KCNB2: variants seen among roughly 807,000 people sequenced by gnomAD.
KCNB2 encodes the protein delayed rectifier potassium channel protein.
Under a neutral mutation model 61.5 loss-of-function variants are expected in KCNB2, and 15 were observed. That is an observed-to-expected ratio of 0.24 (90% CI 0.16 to 0.38). The LOEUF is 0.38. Ranked by LOEUF, KCNB2 falls within the 10% of genes least tolerant of loss-of-function variation. The probability of loss-of-function intolerance (pLI) is 1.00; values close to 1 mark genes in which losing one functional copy is unlikely to be tolerated. For synonymous variants in KCNB2, 457 were observed against 446.0 expected (o/e 1.02, Z -0.31); for missense variants, 828 against 1,125.2 (o/e 0.74, Z 3.78).
chr8:72,797,537 A>G (rs921390517), intron 2 of KCNB2, among the ~76,000 whole-genome samples: 2 of 152,200 alleles, frequency 1.3e-5, no homozygotes, highest in African/African-American at 2.4e-5. Context: ...TTTTCCACTT[A>G]TATTTTTAAC....
At chr8:72,845,089 G>A (rs1371552269) in intron 2 of KCNB2, among the ~76,000 whole-genome samples, 1 of 152,124 alleles carries the variant, frequency 6.6e-6, no homozygotes, top group African/African-American at 2.4e-5. Flanking sequence ...TCTACCTTAG[G>A]TCTTTGATGC....
chr8:72,746,561 T>C (rs1190105709), intron 2 of KCNB2, among the ~76,000 whole-genome samples: 1 of 152,124 alleles, frequency 6.6e-6, no homozygotes, highest in African/African-American at 2.4e-5. Flanking sequence ...GGCCTAATGG[T>C]CTGGGAGACA....
In KCNB2 at chr8:72,712,432, G is replaced by A. The variant is rs186321757; in HGVS notation, c.579+144119G>A. The stretch of plus-strand genomic sequence containing the variant: ...GTTGGCCTGGTGGCATAATTCAGAA[G>A]GCCAAACTCCTCTATGGGCTGGTCC... On this transcript the variant is annotated intron_variant, in intron 2 of 2. Coordinates refer to ENST00000523207, the MANE Select transcript of KCNB2 (RefSeq NM_004770.3). 3.1e-3 allele frequency among the ~76,000 whole-genome samples: 472 copies of A among 152,258 alleles called. 1 individual carries two copies. Among genetic ancestry groups the A allele is most frequent in the Admixed American group, 8.9e-3 (136 of 15,294 alleles).
chr8:72,926,534 T>G (rs1806652985), intron 2 of KCNB2, among the ~76,000 whole-genome samples: 1 of 152,156 alleles, frequency 6.6e-6, no homozygotes, highest in Admixed American at 6.6e-5. Flanking sequence ...GCTGCACAGA[T>G]CATCCCATGA....
chr8:72,835,556 G>A (rs560630620), intron 2 of KCNB2, among the ~76,000 whole-genome samples: 1 of 152,246 alleles, frequency 6.6e-6, no homozygotes, highest in South Asian at 2.1e-4. Context: ...AATACTTACT[G>A]TACTTCAAAA....
At position 72,788,847 on chromosome 8, in the gene KCNB2, G is replaced by A. The variant is rs567584529; in HGVS notation, c.580-147088G>A. Among the ~76,000 whole-genome samples the A allele has an allele frequency of 4.6e-5, 7 of 152,088 alleles. No individual in the cohort carries two copies. The South Asian group carries it at 1.5e-3, about 32-fold the overall frequency. On this transcript the variant is annotated intron_variant, in intron 2 of 2. Coordinates refer to ENST00000523207, the MANE Select transcript of KCNB2 (RefSeq NM_004770.3). ...TACTTGCTTCAAAGGATGTATAAAG[G>A]ACTAACATAACACTGCTTAATACAA...
chr8:72,636,032 G>A (rs890114470), intron 2 of KCNB2, among the ~76,000 whole-genome samples: 14 of 152,268 alleles, frequency 9.2e-5, no homozygotes, highest in African/African-American at 2.2e-4. Context: ...GATCTGAAAC[G>A]ATTAGAACGG....
intron 2 of KCNB2, among the ~76,000 whole-genome samples, chr8:72,683,073 A>T (rs1252927244): frequency 6.6e-6 from 1 of 152,236 alleles, no homozygotes; most frequent in African/African-American, 2.4e-5. Flanking sequence ...CTCTGGTTTG[A>T]TTAATAATAG....
intron 2 of KCNB2, chr8:72,750,347 GTTTCTC>G (rs1808167846): frequency 6.6e-6 from 1 of 152,046 alleles, no homozygotes; most frequent in African/African-American, 2.4e-5. Flanking sequence ...ATAAATGATT[GTTTCTC>G]TTACACCCAG....
chr8:72,723,979 C>A (rs1196740374), intron 2 of KCNB2, among the ~76,000 whole-genome samples: 1 of 152,150 alleles, frequency 6.6e-6, no homozygotes, highest in Non-Finnish European at 1.5e-5. Context: ...TATGAGTAAC[C>A]AATTTCTCCC....
chr8:72,695,851 C>T (rs1047205220), intron 2 of KCNB2, among the ~76,000 whole-genome samples: 3 of 152,236 alleles, frequency 2.0e-5, no homozygotes, highest in Non-Finnish European at 4.4e-5. Context: ...GCAATTTCCT[C>T]ATCCTGATTA....
intron 2 of KCNB2, among the ~76,000 whole-genome samples, chr8:72,662,010 G>A (rs1028572760): frequency 6.6e-6 from 1 of 152,178 alleles, no homozygotes; most frequent in Non-Finnish European, 1.5e-5. Context: ...TTTTCAAAGA[G>A]GTTAAGCCTC....
intron 2 of KCNB2, among the ~76,000 whole-genome samples, chr8:72,737,833 A>G (rs1436659835): frequency 2.6e-5 from 4 of 152,230 alleles, no homozygotes; most frequent in Middle Eastern, 3.4e-3. Context: ...AACTCCTAAC[A>G]TTTGTTTTTC....
chr8:72,678,839 C>T (rs1806705465), intron 2 of KCNB2, among the ~76,000 whole-genome samples: 1 of 152,208 alleles, frequency 6.6e-6, no homozygotes, highest in Non-Finnish European at 1.5e-5. Flanking sequence ...GTACTTCATT[C>T]AATGCTATGT....
chr8:72,828,816 G>A (rs1809641845), intron 2 of KCNB2, among the ~76,000 whole-genome samples: 1 of 152,128 alleles, frequency 6.6e-6, no homozygotes, highest in Admixed American at 6.5e-5. Flanking sequence ...CTAGTAGTAA[G>A]GCTAGTGCAT....
intron 1 of KCNB2, among the ~76,000 whole-genome samples, chr8:72,542,879 A>G (rs1271730455): frequency 6.6e-6 from 1 of 152,194 alleles, no homozygotes; most frequent in Admixed American, 6.5e-5. Context: ...GTCCTAAGCC[A>G]GTTATTAGAG....
At chr8:72,650,487 C>G (rs930859906) in intron 2 of KCNB2, among the ~76,000 whole-genome samples, 3 of 152,168 alleles carry the variant, frequency 2.0e-5, no homozygotes, top group Non-Finnish European at 4.4e-5. Flanking sequence ...CCAACAATCT[C>G]CATATCACTG....
intron 2 of KCNB2, among the ~76,000 whole-genome samples, chr8:72,644,410 A>G (rs1806099222): frequency 1.3e-5 from 2 of 152,168 alleles, no homozygotes; most frequent in Non-Finnish European, 2.9e-5. Context: ...TCTTTACAAT[A>G]AAAGGGAAAG....
chr8:72,905,630 G>A (rs116630812), intron 2 of KCNB2, among the ~76,000 whole-genome samples: 262 of 152,206 alleles, frequency 1.7e-3, no homozygotes, highest in African/African-American at 5.8e-3. Context: ...TGATAGTCGG[G>A]GAGCACGAGT....
Sources: gnomAD v4.1 joint callset for allele counts (sites outside exome capture counted in the v4.1 genomes callset) on GRCh38, gnomAD v4.1.1 for gene constraint, MANE v1.5 for transcripts, NCBI Gene and HGNC (gene_info 2026-07-23, HGNC 2026-07-21) for gene names.